Variants in CTNNA3 observed in about 807,000 individuals in gnomAD.
The protein encoded by CTNNA3 is catenin alpha-3.
In CTNNA3, 76 loss-of-function variants were observed where a neutral mutation model predicts 95.7. The ratio of observed to expected loss-of-function variants is 0.79; its 90% confidence interval spans 0.66 to 0.96. CTNNA3 has a LOEUF of 0.96. CTNNA3 is among the 40% of genes least tolerant of loss of function. The pLI, the probability that CTNNA3 is intolerant of heterozygous loss-of-function variation, is 0.00. For synonymous variants in CTNNA3, 431 were observed against 374.4 expected, an observed-to-expected ratio of 1.15 and a Z score of -1.74; for missense variants, 1,191 against 1,089.8, an observed-to-expected ratio of 1.09 and a Z score of -1.31.
chr10:67,592,556 G>A (rs1328075503), intron 3 of CTNNA3, among the ~76,000 whole-genome samples: 1 of 152,046 alleles, frequency 6.6e-6, no homozygotes, highest in African/African-American at 2.4e-5. Context: ...TACCTTCAAG[G>A]AAGTTGCAAA....
intron 9 of CTNNA3, among the ~76,000 whole-genome samples, chr10:66,639,401 C>T (rs2394258): frequency 0.67 from 101,217 of 151,954 alleles, 34,657 homozygotes; most frequent in East Asian, 0.95. Flanking sequence ...GTAGAGGTTG[C>T]GCTATGAATA....
intron 1 of CTNNA3, among the ~76,000 whole-genome samples, chr10:67,701,762 T>G (rs1841042152): frequency 6.6e-6 from 1 of 152,016 alleles, no homozygotes; most frequent in South Asian, 2.1e-4. Context: ...CAGGATCAAA[T>G]TCACACATAA....
At chr10:66,257,294 T>C (rs11527199) in intron 13 of CTNNA3, among the ~76,000 whole-genome samples, 10,662 of 152,226 alleles carry the variant, frequency 0.07, 692 homozygotes, top group African/African-American at 0.17. Context: ...ACATTTACTA[T>C]GGCCCAATGT....
chr10:65,929,106 A>G (rs371436903), intron 17 of CTNNA3, among the ~76,000 whole-genome samples: 9 of 143,192 alleles, frequency 6.3e-5, no homozygotes, highest in East Asian at 4.2e-4. Flanking sequence ...ATTCTCTCCT[A>G]TGAGTGAGAA....
At chr10:66,662,107 G>A (rs1041630280) in intron 9 of CTNNA3, among the ~76,000 whole-genome samples, 7 of 152,122 alleles carry the variant, frequency 4.6e-5, no homozygotes, top group Admixed American at 3.3e-4. Flanking sequence ...GCTTAAAAAC[G>A]AATTGTTGTT....
chr10:65,954,647 A>G (rs893065549), intron 17 of CTNNA3, among the ~76,000 whole-genome samples: 3 of 152,048 alleles, frequency 2.0e-5, no homozygotes, highest in Admixed American at 6.6e-5. Context: ...ATAGGGAATC[A>G]TTTCCCCATT....
chr10:66,273,847 T>C (rs2091333134), intron 13 of CTNNA3, among the ~76,000 whole-genome samples: 1 of 149,562 alleles, frequency 6.7e-6, no homozygotes, highest in Admixed American at 6.7e-5. Flanking sequence ...GCCATGAGGG[T>C]GAAAAGAAGA....
chr10:66,775,728 T>G (rs1365051119), intron 7 of CTNNA3, among the ~76,000 whole-genome samples: 1 of 152,160 alleles, frequency 6.6e-6, no homozygotes, highest in African/African-American at 2.4e-5. Flanking sequence ...TCTTTATGCT[T>G]CTGTAATATT....
intron 12 of CTNNA3, among the ~76,000 whole-genome samples, chr10:66,375,433 C>T (rs543315878): frequency 9.7e-4 from 147 of 152,108 alleles, no homozygotes; most frequent in African/African-American, 3.5e-3. Context: ...TTATGTTGGT[C>T]AAAACTCCAC....
At chr10:66,365,332 C>CA (rs1269400341) in intron 12 of CTNNA3, among the ~76,000 whole-genome samples, 2 of 151,974 alleles carry the variant, frequency 1.3e-5, no homozygotes, top group Non-Finnish European at 1.5e-5. Context: ...GGGAGTTGAA[C>CA]AATGAGAACA....
intron 7 of CTNNA3, among the ~76,000 whole-genome samples, chr10:67,100,231 G>A (rs1858261631): frequency 6.6e-6 from 1 of 151,554 alleles, no homozygotes; most frequent in Non-Finnish European, 1.5e-5. Context: ...CATCTAAAGT[G>A]AACGACTATA....
At position 67,137,253 on chromosome 10, in the gene CTNNA3, T is replaced by C. The variant is rs1860344818; in HGVS notation, c.1047+43064A>G. Among the ~76,000 whole-genome samples the C allele has an allele frequency of 2.6e-5, 4 of 152,212 alleles. No homozygotes were observed. The South Asian group carries it at 8.3e-4, about 31-fold the overall frequency. On this transcript the variant is annotated intron_variant, in intron 7 of 17. Coordinates refer to ENST00000433211, the MANE Select transcript of CTNNA3 (RefSeq NM_013266.4). ...TGTTAGCTATTGTAATAAAAGTTTATATATTGTTTATATATTGTTTTTGTC... is the reference window on the plus strand; with the variant it reads ...TGTTAGCTATTGTAATAAAAGTTTACATATTGTTTATATATTGTTTTTGTC...
intron 3 of CTNNA3, among the ~76,000 whole-genome samples, chr10:67,581,795 T>C (rs1262282007): frequency 6.6e-6 from 1 of 152,214 alleles, no homozygotes; most frequent in Non-Finnish European, 1.5e-5. Flanking sequence ...TGGGAAGGTG[T>C]ATGTGTCCAG....
chr10:66,415,286 A>T (rs538136543), intron 11 of CTNNA3, among the ~76,000 whole-genome samples: 1 of 151,964 alleles, frequency 6.6e-6, no homozygotes, highest in East Asian at 1.9e-4. Flanking sequence ...CTGATGACAT[A>T]TGACCACTCC....
chr10:66,661,726 A>G (rs549152813), intron 9 of CTNNA3, among the ~76,000 whole-genome samples: 1 of 152,262 alleles, frequency 6.6e-6, no homozygotes, highest in South Asian at 2.1e-4. Context: ...GCTAACTTTT[A>G]TTAGCCTGAA....
intron 5 of CTNNA3, among the ~76,000 whole-genome samples, chr10:67,410,631 CAAA>C (rs61451586): frequency 8.6e-6 from 1 of 116,848 alleles, no homozygotes; most frequent in Non-Finnish European, 1.9e-5. Flanking sequence ...TCCCCCCACC[CAAA>C]AAAAAAAAAA....
chr10:66,848,740 G>A (rs1843370404), intron 7 of CTNNA3, among the ~76,000 whole-genome samples: 1 of 152,278 alleles, frequency 6.6e-6, no homozygotes, highest in African/African-American at 2.4e-5. Flanking sequence ...TATCAGAACA[G>A]TAGGTAGGTT....
At chr10:66,233,148 A>G in intron 13 of CTNNA3, among the ~76,000 whole-genome samples, 1 of 126,252 alleles carries the variant, frequency 7.9e-6, no homozygotes, top group Non-Finnish European at 1.6e-5. Context: ...TGACAGAGCA[A>G]GACTCCACCT....
At chr10:66,521,854 A>G (rs566405750) in intron 10 of CTNNA3, among the ~76,000 whole-genome samples, 16 of 152,170 alleles carry the variant, frequency 1.1e-4, no homozygotes, top group Non-Finnish European at 1.5e-4. Context: ...CTCCTGTTAC[A>G]ATTCTTCAAA....
Sources: gnomAD v4.1 joint callset for allele counts (sites outside exome capture counted in the v4.1 genomes callset) on GRCh38, gnomAD v4.1.1 for gene constraint, MANE v1.5 for transcripts, NCBI Gene and HGNC (gene_info 2026-07-23, HGNC 2026-07-21) for gene names.